Variants in VPS13B observed in about 807,000 individuals in gnomAD.
The protein encoded by VPS13B is vacuolar protein sorting 13 homolog B, also known as intermembrane lipid transfer protein VPS13B.
Under a neutral mutation model 426.4 loss-of-function variants are expected in VPS13B, and 285 were observed. That is an observed-to-expected ratio of 0.67 (90% CI 0.61 to 0.74). The LOEUF is 0.74. Among genes scored for constraint, VPS13B ranks in the 30% least tolerant of loss-of-function variants. The pLI is 0.00. For missense variants in VPS13B, 4,537 were observed against 4,782.6 expected (o/e 0.95, Z 1.51); for synonymous variants, 1,676 against 1,676.4 (o/e 1.00, Z 0.01).
intron 58 of VPS13B, among the ~76,000 whole-genome samples, chr8:99,863,843 A>T (rs1195409770): frequency 6.6e-6 from 1 of 152,128 alleles, no homozygotes; most frequent in Non-Finnish European, 1.5e-5. Context: ...AATTTCCAGA[A>T]GATTATTAAT....
At chr8:99,606,503 AAAAAAAAAAAAG>A (rs1203478617) in intron 33 of VPS13B, among the ~76,000 whole-genome samples, 1 of 149,482 alleles carries the variant, frequency 6.7e-6, no homozygotes, top group East Asian at 1.9e-4. Context: ...AGTTTCAAAA[AAAAAAAAAAAAG>A]AAAAAAGAAA....
chr8:99,453,663 TA>T (rs2133468196), intron 23 of VPS13B, among the ~76,000 whole-genome samples: 1 of 152,322 alleles, frequency 6.6e-6, no homozygotes, highest in South Asian at 2.1e-4. Flanking sequence ...ACACTTATTT[TA>T]AAAACCAAAC....
chr8:99,712,613 C>T (rs980196710), intron 36 of VPS13B, among the ~76,000 whole-genome samples: 1 of 151,994 alleles, frequency 6.6e-6, no homozygotes, highest in African/African-American at 2.4e-5. Flanking sequence ...TAAGTCTGGC[C>T]GACTTTCTCT....
chr8:99,766,906 T>A lies in VPS13B; in HGVS notation c.7183T>A (p.Leu2395Ile). 6.2e-7 allele frequency: 1 copy of A among 1,614,040 alleles called. No homozygotes were observed. The highest frequency in any genetic ancestry group is 8.5e-7 in the Non-Finnish European group (1 of 1,179,956). Reference protein sequence around the residue: ...DINLVNDQKKLVSSDLWRIVL... With the variant: ...DINLVNDQKKIVSSDLWRIVL... ...CAATCTCGTGAATGACCAGAAGAAA[T>A]TAGTATCTTCAGATCTTTGGAGAAT... Residue 2395 changes from leucine (L) to isoleucine (I), a missense_variant, in exon 40 of 62, where the codon TTA becomes ATA. Coordinates refer to ENST00000357162, the MANE Select transcript of VPS13B (RefSeq NM_152564.5).
rs551800329 is a variant in VPS13B at position 99,088,774 on chromosome 8, A to G, written c.292-7538A>G. On this transcript the variant is annotated intron_variant, in intron 3 of 61. Coordinates refer to ENST00000357162, the MANE Select transcript of VPS13B (RefSeq NM_152564.5). ...AATAAAGTTTAAATTTCTTGGACTA[A>G]TAGGCCCTCTGCCATTTGCCCTAGT... 4.7e-4 allele frequency among the ~76,000 whole-genome samples: 72 copies of G among 152,360 alleles called. 1 individual carries two copies. Among genetic ancestry groups the G allele is most frequent in the African/African-American group, 1.7e-3 (70 of 41,590 alleles).
At chr8:99,227,634 A>T (rs1389608335) in intron 17 of VPS13B, among the ~76,000 whole-genome samples, 1 of 151,994 alleles carries the variant, frequency 6.6e-6, no homozygotes, top group Non-Finnish European at 1.5e-5. Flanking sequence ...GTTCAGTTTT[A>T]TTTTTTTAAC....
chr8:99,283,882 G>A (rs1399196025), intron 19 of VPS13B, among the ~76,000 whole-genome samples: 1 of 152,140 alleles, frequency 6.6e-6, no homozygotes, highest in Non-Finnish European at 1.5e-5. Context: ...TAAGGACATT[G>A]CCTTTTGAAA....
At chr8:99,095,540 G>A (rs533352003) in intron 3 of VPS13B, among the ~76,000 whole-genome samples, 1 of 152,214 alleles carries the variant, frequency 6.6e-6, no homozygotes, top group South Asian at 2.1e-4. Context: ...CAAACAAAAA[G>A]TATTGCTTTT....
At chr8:99,365,971 GT>G (rs779699463) in intron 19 of VPS13B, among the ~76,000 whole-genome samples, 53 of 132,052 alleles carry the variant, frequency 4.0e-4, no homozygotes, top group East Asian at 8.7e-4. Context: ...GTTTTTTGTT[GT>G]TTTTTTTTTT....
intron 23 of VPS13B, among the ~76,000 whole-genome samples, chr8:99,452,468 GCACAACACATGC>G (rs1365985166): frequency 6.6e-6 from 1 of 152,114 alleles, no homozygotes; most frequent in Non-Finnish European, 1.5e-5. Context: ...CCATTATTTA[GCACAACACATGC>G]CACAAAAGGG....
intron 42 of VPS13B, among the ~76,000 whole-genome samples, chr8:99,781,800 A>T (rs1812035102): frequency 6.6e-6 from 1 of 152,190 alleles, no homozygotes; most frequent in African/African-American, 2.4e-5. Flanking sequence ...ATCCCAATTC[A>T]TTATGAAAAC....
intron 3 of VPS13B, among the ~76,000 whole-genome samples, chr8:99,041,799 T>G (rs7006391): frequency 0.83 from 124,604 of 150,714 alleles, 51,982 homozygotes; most frequent in South Asian, 0.89. Context: ...TTTGCAGTGA[T>G]CCGAGATTGT....
chr8:99,504,020 G>T (rs79213619), intron 27 of VPS13B, among the ~76,000 whole-genome samples: 8,669 of 152,250 alleles, frequency 0.057, 320 homozygotes, highest in African/African-American at 0.097. Context: ...ATGTGGAAAT[G>T]TGATCCCCAG....
intron 19 of VPS13B, among the ~76,000 whole-genome samples, chr8:99,278,711 C>G (rs571244501): frequency 6.6e-6 from 1 of 152,298 alleles, no homozygotes; most frequent in South Asian, 2.1e-4. Context: ...TTAAAAGTTC[C>G]TAACGTAACG....
At chr8:99,571,528 GATTTA>G (rs1287976027) in intron 31 of VPS13B, among the ~76,000 whole-genome samples, 1 of 152,050 alleles carries the variant, frequency 6.6e-6, no homozygotes, top group Non-Finnish European at 1.5e-5. Flanking sequence ...TTGTGTTACT[GATTTA>G]ATTTATCACA....
intron 2 of VPS13B, among the ~76,000 whole-genome samples, chr8:99,022,551 T>A (rs1239140638): frequency 2.0e-5 from 3 of 152,218 alleles, no homozygotes; most frequent in Non-Finnish European, 4.4e-5. Flanking sequence ...GTGTTTCATG[T>A]GCAATTGATA....
At chr8:99,661,741 C>A (rs778567820) in intron 35 of VPS13B, among the ~76,000 whole-genome samples, 16 of 151,882 alleles carry the variant, frequency 1.1e-4, no homozygotes, top group African/African-American at 3.4e-4. Flanking sequence ...AAGCCAAAGC[C>A]CCAATATTTT....
rs1230029599 is a variant in VPS13B at position 99,121,169 on chromosome 8, A to G, written c.938-8A>G. 1.2e-6 allele frequency: 2 copies of G among 1,610,724 alleles called. No homozygotes were observed. Among genetic ancestry groups the G allele is most frequent in the Admixed American group, 1.7e-5 (1 of 59,484 alleles). Reference sequence around the variant, plus strand: ...ACTTATTTAAAATGACTTAATTTTAATTGATAGGTTCTGAAGATGAAACAA... The same window carrying G: ...ACTTATTTAAAATGACTTAATTTTAGTTGATAGGTTCTGAAGATGAAACAA... On this transcript the variant is annotated splice_region_variant and splice_polypyrimidine_tract_variant and intron_variant, in intron 7 of 61. Transcript: ENST00000357162.
At chr8:99,476,329 T>C (rs911684111) in intron 24 of VPS13B, among the ~76,000 whole-genome samples, 11 of 152,136 alleles carry the variant, frequency 7.2e-5, no homozygotes, top group African/African-American at 2.4e-4. Flanking sequence ...TAAATAAACC[T>C]CTTTGTTTTG....
Sources: allele counts gnomAD v4.1 joint callset (sites outside exome capture counted in the v4.1 genomes callset), GRCh38; gene constraint gnomAD v4.1.1; transcripts MANE v1.5; gene names NCBI Gene and HGNC (gene_info 2026-07-23, HGNC 2026-07-21).